Variants in LAMB4 observed in about 807,000 individuals in gnomAD.
The protein encoded by LAMB4 is laminin subunit beta-4.
A neutral mutation model predicts 199.2 loss-of-function variants in LAMB4; 196 were observed. That is an observed-to-expected ratio of 0.98 (90% CI 0.88 to 1.11). The LOEUF is 1.11. Ranked by LOEUF, LAMB4 falls within the 50% of genes least tolerant of loss-of-function variation. The pLI, the probability that LAMB4 is intolerant of heterozygous loss-of-function variation, is 0.00. For synonymous variants in LAMB4, 744 were observed against 770.6 expected (o/e 0.97, Z 0.57); for missense variants, 2,080 against 2,171.2 (o/e 0.96, Z 0.83).
At chr7:108,066,744 G>A in intron 19 of LAMB4, 144 bp from the exon 20 acceptor site, 1 of 589,832 alleles carries the variant, frequency 1.7e-6, no homozygotes, top group South Asian at 2.2e-5. Context: ...AGCATATAAT[G>A]AGTTCCAGGT....
At chr7:108,057,725 A>G in intron 24 of LAMB4, 107 bp downstream of exon 24, 3 of 684,660 alleles carry the variant, frequency 4.4e-6, no homozygotes, top group South Asian at 1.8e-5. Context: ...AGTCCACCTT[A>G]TTAAAAGCAC....
At chr7:108,114,258 A>G (rs538602497) in intron 3 of LAMB4, among the ~76,000 whole-genome samples, 1 of 152,060 alleles carries the variant, frequency 6.6e-6, no homozygotes, top group Non-Finnish European at 1.5e-5. Context: ...TGGTCTCTAT[A>G]AAAATACCAA....
intron 27 of LAMB4, among the ~76,000 whole-genome samples, chr7:108,048,546 T>C (rs2035723451): frequency 6.6e-6 from 1 of 152,222 alleles, no homozygotes; most frequent in African/African-American, 2.4e-5. Context: ...CCTTGGTACA[T>C]GGGGGTAACC....
intron 2 of LAMB4, among the ~76,000 whole-genome samples, chr7:108,118,096 A>G (rs2038471576): frequency 1.3e-5 from 2 of 152,204 alleles, no homozygotes; most frequent in Non-Finnish European, 2.9e-5. Flanking sequence ...TCTGGTTCAC[A>G]TGCCTCTGAC....
At chr7:108,111,237 A>C (rs2038212912) in intron 4 of LAMB4, among the ~76,000 whole-genome samples, 2 of 152,228 alleles carry the variant, frequency 1.3e-5, no homozygotes, top group Admixed American at 1.3e-4. Context: ...TATAGCGAGC[A>C]TCTAGGAATC....
At chr7:108,020,709 T>C (rs1584565999), downstream of LAMB4, among the ~76,000 whole-genome samples, 1 of 152,198 alleles carries the variant, frequency 6.6e-6, no homozygotes, top group Non-Finnish European at 1.5e-5. Context: ...AAATGCATGA[T>C]ACTGATCACA....
intron 1 of LAMB4, among the ~76,000 whole-genome samples, chr7:108,128,270 G>T (rs772532511): frequency 6.6e-6 from 1 of 152,022 alleles, no homozygotes; most frequent in East Asian, 1.9e-4. Context: ...TGTCTTGTTC[G>T]CTGACTCCAA....
chr7:108,061,855 A>C (rs2150545998), intron 23 of LAMB4, among the ~76,000 whole-genome samples: 1 of 152,314 alleles, frequency 6.6e-6, no homozygotes, highest in East Asian at 1.9e-4. Context: ...TACCTTCAAA[A>C]GACTTGACCT....
chr7:108,085,096 A>G (rs2037118521), intron 14 of LAMB4, among the ~76,000 whole-genome samples: 1 of 152,106 alleles, frequency 6.6e-6, no homozygotes, highest in Admixed American at 6.6e-5. Context: ...TCCACTGAAA[A>G]GGATGACTAG....
intron 30 of LAMB4, among the ~76,000 whole-genome samples, chr7:108,035,209 AT>A (rs2035179631): frequency 6.6e-6 from 1 of 151,992 alleles, no homozygotes; most frequent in Non-Finnish European, 1.5e-5. Context: ...TGCCACCATT[AT>A]CTTTTTCTTA....
At chr7:108,106,156 G>A (rs1348713345) in intron 7 of LAMB4, 125 bp from the exon 8 acceptor site, 11 of 787,076 alleles carry the variant, frequency 1.4e-5, no homozygotes, top group East Asian at 1.1e-4. Context: ...AGTGGCTTGC[G>A]CCTGTAATCC....
intron 29 of LAMB4, among the ~76,000 whole-genome samples, chr7:108,043,070 C>A (rs2035479237): frequency 6.6e-6 from 1 of 151,418 alleles, no homozygotes; most frequent in South Asian, 2.1e-4. Flanking sequence ...TAAAATGAGC[C>A]TCTCCCAAAG....
intron 24 of LAMB4, among the ~76,000 whole-genome samples, chr7:108,056,442 T>C (rs189133710): frequency 1.6e-4 from 25 of 152,314 alleles, no homozygotes; most frequent in Non-Finnish European, 2.1e-4. Flanking sequence ...GACCACGCTG[T>C]CTTCCATTAC....
chr7:108,115,791 G>A (rs1350187102), intron 3 of LAMB4, among the ~76,000 whole-genome samples: 1 of 152,070 alleles, frequency 6.6e-6, no homozygotes, highest in African/African-American at 2.4e-5. Context: ...TGCCATTTTA[G>A]ATCAGGGACT....
chr7:108,084,306 T>A (rs903111626), intron 14 of LAMB4, among the ~76,000 whole-genome samples: 1 of 152,176 alleles, frequency 6.6e-6, no homozygotes, highest in Non-Finnish European at 1.5e-5. Flanking sequence ...GGAGAACCTG[T>A]GCCTGCATGG....
intron 23 of LAMB4, among the ~76,000 whole-genome samples, chr7:108,058,145 C>T (rs1167581829): frequency 6.6e-6 from 1 of 152,158 alleles, no homozygotes; most frequent in East Asian, 1.9e-4. Flanking sequence ...TCGCCTGCTT[C>T]CAGCTGTTCA....
intron 10 of LAMB4, 25 bp from the exon 11 acceptor site, chr7:108,098,607 T>G: frequency 6.4e-7 from 1 of 1,556,730 alleles, no homozygotes; most frequent in South Asian, 1.2e-5. Context: ...ATTCATTGTT[T>G]TAGTTAATTG....
intron 10 of LAMB4, among the ~76,000 whole-genome samples, chr7:108,101,978 C>A (rs2037829146): frequency 6.6e-6 from 1 of 152,160 alleles, no homozygotes; most frequent in African/African-American, 2.4e-5. Context: ...GGAAGCAGAG[C>A]CCCAGGAACT....
chr7:108,126,831 G>C (rs2038805711), intron 1 of LAMB4, among the ~76,000 whole-genome samples: 1 of 151,400 alleles, frequency 6.6e-6, no homozygotes, highest in African/African-American at 2.4e-5. Flanking sequence ...GCCTCCCAAA[G>C]TGCTGGGATT....
Sources: allele counts gnomAD v4.1 joint callset (sites outside exome capture counted in the v4.1 genomes callset), GRCh38; gene constraint gnomAD v4.1.1; transcripts MANE v1.5; gene names NCBI Gene and HGNC (gene_info 2026-07-23, HGNC 2026-07-21).